Variants in PKD2L1 observed in about 807,000 individuals in gnomAD.
PKD2L1 encodes polycystin-2-like protein 1.
A neutral mutation model predicts 93.0 loss-of-function variants in PKD2L1; 77 were observed. The ratio of observed to expected loss-of-function variants is 0.83; its 90% CI spans 0.69 to 1.00. PKD2L1 has a LOEUF of 1.00. Among genes scored for constraint, PKD2L1 ranks in the 50% least tolerant of loss-of-function variants. PKD2L1 has a pLI of 0.00. For synonymous variants in PKD2L1, 390 were observed against 388.0 expected (o/e 1.01, Z -0.06); for missense variants, 977 against 990.9 (o/e 0.99, Z 0.19).
intron 15 of PKD2L1, 133 bp from the exon 16 acceptor site, chr10:100,288,611 C>T: frequency 1.5e-6 from 1 of 645,456 alleles, no homozygotes; most frequent in South Asian, 1.8e-5. Flanking sequence ...ACCTTTTTCA[C>T]AGACCATGGC....
At chr10:100,306,596 T>C (rs1328733559) in intron 2 of PKD2L1, among the ~76,000 whole-genome samples, 3 of 151,800 alleles carry the variant, frequency 2.0e-5, no homozygotes, top group Non-Finnish European at 4.4e-5. Context: ...GCGCAATGGC[T>C]CACACCTGTA....
intron 2 of PKD2L1, among the ~76,000 whole-genome samples, chr10:100,302,794 G>A (rs1848713544): frequency 6.6e-6 from 1 of 152,042 alleles, no homozygotes; most frequent in Admixed American, 6.6e-5. Flanking sequence ...AGCTAATCCT[G>A]GACCATAATT....
rs1439184497 is a variant in PKD2L1 at position 100,294,650 on chromosome 10, G to A, written c.1544C>T (p.Thr515Ile). Reference protein sequence around the residue: ...NFSTFIKCIFTQFRIILGDFD... With the variant: ...NFSTFIKCIFIQFRIILGDFD... ...GTCCCCGAGGATTATCCGGAACTGA[G>A]TGAAACTGAGAGACCAGGTCTGGGC... The change falls in exon 9 of 16, where the codon ACT becomes ATT. Residue 515 changes from threonine to isoleucine, a missense_variant. Transcript: ENST00000318222. 6.2e-7 allele frequency: 1 copy of A among 1,614,096 alleles called. No homozygotes were observed. Among genetic ancestry groups the A allele is most frequent in the Non-Finnish European group, 8.5e-7 (1 of 1,180,022 alleles).
intron 2 of PKD2L1, among the ~76,000 whole-genome samples, chr10:100,306,973 T>C (rs1255297384): frequency 6.6e-6 from 1 of 151,970 alleles, no homozygotes; most frequent in African/African-American, 2.4e-5. Flanking sequence ...TTCTATTCTC[T>C]TCAGGTAATA....
At chr10:100,289,386 A>T (rs967756541) in intron 14 of PKD2L1, among the ~76,000 whole-genome samples, 2 of 152,162 alleles carry the variant, frequency 1.3e-5, no homozygotes, top group Non-Finnish European at 2.9e-5. Context: ...CTAAAAATAC[A>T]AAATTAGCTG....
At chr10:100,308,416 C>A (rs1235739957) in intron 2 of PKD2L1, among the ~76,000 whole-genome samples, 1 of 151,784 alleles carries the variant, frequency 6.6e-6, no homozygotes, top group East Asian at 1.9e-4. Flanking sequence ...CTCACTGCAA[C>A]CTCTGCCTCC....
Position 100,297,182 on chromosome 10 carries a change from C to T in PKD2L1, c.983G>A (p.Gly328Glu). 1 of 1,614,010 alleles carries T rather than the reference C, an allele frequency of 6.2e-7. No individual in the cohort carries two copies. Among genetic ancestry groups the T allele is most frequent in the Non-Finnish European group, 8.5e-7 (1 of 1,180,008 alleles). Residue 328 changes from glycine (G) to glutamate (E), a missense_variant, in exon 6 of 16, where the codon GGA (glycine) becomes GAA (glutamate). Coordinates refer to ENST00000318222, the MANE Select transcript of PKD2L1 (RefSeq NM_016112.3). ...LRLVVEFPAT[G>E]GAIPSWQIRT... ...GATTTGCCAGGATGGGATGGCACCTCCTGTAGCTGGAAACTCCACCACCAG... is the reference window on the plus strand; with the variant it reads ...GATTTGCCAGGATGGGATGGCACCTTCTGTAGCTGGAAACTCCACCACCAG...
At chr10:100,310,370 A>C (rs1848906725) in intron 2 of PKD2L1, among the ~76,000 whole-genome samples, 1 of 152,142 alleles carries the variant, frequency 6.6e-6, no homozygotes, top group Non-Finnish European at 1.5e-5. Flanking sequence ...ACAAACAAAA[A>C]GCAAAAAGAG....
At chr10:100,325,284 C>G (rs763038259) in intron 2 of PKD2L1, among the ~76,000 whole-genome samples, 7 of 152,170 alleles carry the variant, frequency 4.6e-5, no homozygotes, top group African/African-American at 1.4e-4. Context: ...CACTGAGAAC[C>G]TATGGTCTAG....
At chr10:100,321,750 AGAAAGAAG>A (rs1283127949) in intron 2 of PKD2L1, among the ~76,000 whole-genome samples, 265 of 5,726 alleles carry the variant, frequency 0.046, 54 homozygotes, top group Non-Finnish European at 0.056. Context: ...AAAGAAAGAA[AGAAAGAAG>A]GGAGGGAGGG....
intron 11 of PKD2L1, among the ~76,000 whole-genome samples, chr10:100,292,671 T>C (rs574068928): frequency 6.6e-6 from 1 of 151,658 alleles, no homozygotes; most frequent in African/African-American, 2.4e-5. Context: ...TTTGTGGGAG[T>C]GGGGTGTGTA....
intron 2 of PKD2L1, among the ~76,000 whole-genome samples, chr10:100,304,107 G>A (rs1220279885): frequency 2.0e-5 from 3 of 152,150 alleles, no homozygotes; most frequent in African/African-American, 7.2e-5. Flanking sequence ...TTCAGTATTC[G>A]CTATTTGTAA....
intron 2 of PKD2L1, among the ~76,000 whole-genome samples, chr10:100,327,281 T>C (rs525190): frequency 0.099 from 15,084 of 152,262 alleles, 1,075 homozygotes; most frequent in South Asian, 0.31. Context: ...AGAGAAAGGA[T>C]TCCACGTATT....
intron 3 of PKD2L1, 63 bp from the exon 4 acceptor site, chr10:100,298,878 C>T: frequency 6.6e-7 from 1 of 1,511,654 alleles, no homozygotes; most frequent in Non-Finnish European, 8.9e-7. Context: ...TTTAGAATGA[C>T]CTTTGCCCTC....
intron 9 of PKD2L1, among the ~76,000 whole-genome samples, chr10:100,294,331 G>T (rs1564880705): frequency 6.6e-6 from 1 of 152,050 alleles, no homozygotes; most frequent in Non-Finnish European, 1.5e-5. Context: ...GAGTCTGCAG[G>T]TTCCCTTATA....
chr10:100,294,699 C>G, intron 8 of PKD2L1, 44 bp from the exon 9 acceptor site: 1 of 1,611,850 alleles, frequency 6.2e-7, no homozygotes, highest in African/African-American at 1.3e-5. Flanking sequence ...TAACAAACAC[C>G]CCCCATCCCA....
In PKD2L1 at chr10:100,294,647, T is replaced by C. The variant is rs1320713635; in HGVS notation, c.1547A>G (p.Gln516Arg). Residue 516 changes from glutamine (Q) to arginine (R), a missense_variant, in exon 9 of 16, where the codon CAG becomes CGG. Coordinates refer to ENST00000318222, the MANE Select transcript of PKD2L1 (RefSeq NM_016112.3). ...FSTFIKCIFT[Q>R]FRIILGDFDY... is the part of the protein sequence containing the mutation. ...AAAGTCCCCGAGGATTATCCGGAACTGAGTGAAACTGAGAGACCAGGTCTG... is the reference window on the plus strand; with the variant it reads ...AAAGTCCCCGAGGATTATCCGGAACCGAGTGAAACTGAGAGACCAGGTCTG... The C allele has an allele frequency of 6.2e-7, 1 of 1,614,130 alleles. No individual in the cohort carries two copies. Among genetic ancestry groups the C allele is most frequent in the Non-Finnish European group, 8.5e-7 (1 of 1,180,016 alleles).
At chr10:100,320,366 C>T (rs942971632) in intron 2 of PKD2L1, among the ~76,000 whole-genome samples, 1 of 152,106 alleles carries the variant, frequency 6.6e-6, no homozygotes, top group African/African-American at 2.4e-5. Flanking sequence ...ATTATAGGTC[C>T]ACCAGTTCCT....
intron 2 of PKD2L1, among the ~76,000 whole-genome samples, chr10:100,318,561 C>T (rs1849154529): frequency 2.0e-5 from 3 of 151,476 alleles, no homozygotes; most frequent in Non-Finnish European, 1.5e-5. Context: ...CTCTGTCACC[C>T]AGGTTGGAGT....
Sources: gnomAD v4.1 joint callset for allele counts (sites outside exome capture counted in the v4.1 genomes callset) on GRCh38, gnomAD v4.1.1 for gene constraint, MANE v1.5 for transcripts, NCBI Gene and HGNC (gene_info 2026-07-23, HGNC 2026-07-21) for gene names.